UACA: variants seen among roughly 807,000 people sequenced by gnomAD.
The protein encoded by UACA is uveal autoantigen with coiled-coil domains and ankyrin repeats.
In UACA, 112 loss-of-function variants were observed where a neutral mutation model predicts 160.5. That is an observed-to-expected ratio of 0.70 (90% CI 0.60 to 0.82). The LOEUF (loss-of-function observed/expected upper bound fraction) is 0.82. Among genes scored for constraint, UACA ranks in the 40% least tolerant of loss-of-function variants. The pLI is 0.00. For synonymous variants in UACA, 557 were observed against 568.4 expected (o/e 0.98, Z 0.29); for missense variants, 1,574 against 1,614.6 (o/e 0.97, Z 0.43).
chr15:70,685,539 G>C (rs1276875911), intron 7 of UACA, among the ~76,000 whole-genome samples: 5 of 152,018 alleles, frequency 3.3e-5, no homozygotes, highest in African/African-American at 9.7e-5. Flanking sequence ...TTTAAAAAAT[G>C]CTACATATAA....
chr15:70,663,151 CA>C (rs1896777720), intron 17 of UACA, among the ~76,000 whole-genome samples: 1 of 152,130 alleles, frequency 6.6e-6, no homozygotes, highest in South Asian at 2.1e-4. Context: ...ACAATGAACT[CA>C]AACACATTTA....
At chr15:70,728,250 G>A (rs557181505) in intron 1 of UACA, among the ~76,000 whole-genome samples, 478 of 152,242 alleles carry the variant, frequency 3.1e-3, no homozygotes, top group Admixed American at 5.4e-3. Context: ...AGACTTAAAT[G>A]TAAGATCTAA....
chr15:70,717,852 A>C (rs1046999442), intron 1 of UACA, among the ~76,000 whole-genome samples: 2 of 152,110 alleles, frequency 1.3e-5, no homozygotes, highest in African/African-American at 4.8e-5. Flanking sequence ...TATAATGTAG[A>C]TAGGCCTCAA....
At chr15:70,760,221 T>C (rs2030664041) in intron 1 of UACA, among the ~76,000 whole-genome samples, 1 of 151,852 alleles carries the variant, frequency 6.6e-6, no homozygotes, top group Non-Finnish European at 1.5e-5. Context: ...TATCAAAGAC[T>C]TAAATGTAAA....
rs1260622295 is a variant in UACA at position 70,679,634 on chromosome 15, G to A, written c.865C>T (p.His289Tyr). The A allele has an allele frequency of 4.4e-6, 7 of 1,588,756 alleles. No homozygotes were observed. Among genetic ancestry groups the A allele is most frequent in the South Asian group, 3.4e-5 (3 of 87,896 alleles). ...TGAATATTTTGATGCTCCCTCTGAT[G>A]TGACTTCACATTTACTTCATCTTGC... ...HMQDEVNVKS[H>Y]QREHQNIQDL... Residue 289 changes from histidine (H) to tyrosine (Y), a missense_variant, in exon 10 of 19, where the codon CAT becomes TAT. Transcript: ENST00000322954.
chr15:70,666,569 C>T (rs1303434931), intron 16 of UACA, among the ~76,000 whole-genome samples, 155 bp downstream of exon 16: 1 of 151,702 alleles, frequency 6.6e-6, no homozygotes, highest in Non-Finnish European at 1.5e-5. Flanking sequence ...TGTTACTTCA[C>T]TTTTTTTTTC....
At chr15:70,767,115 C>G (rs990397670), upstream of UACA, among the ~76,000 whole-genome samples, 3 of 151,628 alleles carry the variant, frequency 2.0e-5, no homozygotes, top group South Asian at 2.1e-4. Context: ...TGGCAGGCAC[C>G]TGTAGTCCCA....
the UACA span, among the ~76,000 whole-genome samples, chr15:70,771,721 G>T: frequency 1.3e-5 from 2 of 152,238 alleles, no homozygotes; most frequent in South Asian, 4.1e-4. Flanking sequence ...GTTGAGGAAA[G>T]TCTTTCTGGA....
At chr15:70,713,612 C>T (rs1272537549) in intron 1 of UACA, among the ~76,000 whole-genome samples, 1 of 152,130 alleles carries the variant, frequency 6.6e-6, no homozygotes, top group African/African-American at 2.4e-5. Flanking sequence ...TTATCGTAAA[C>T]ATTTTTCAAA....
At chr15:70,700,318 T>TATATATATATATACACAC (rs565377949) in intron 1 of UACA, among the ~76,000 whole-genome samples, 3 of 139,822 alleles carry the variant, frequency 2.1e-5, no homozygotes, top group Admixed American at 7.0e-5. Context: ...TATATATATA[T>TATATATATATATACACAC]ACACACACAC....
chr15:70,747,867 G>A (rs1201280657), intron 1 of UACA, among the ~76,000 whole-genome samples: 1 of 151,810 alleles, frequency 6.6e-6, no homozygotes, highest in Non-Finnish European at 1.5e-5. Flanking sequence ...AAATAAAATA[G>A]AATAATTTAT....
At chr15:70,696,244 T>C (rs1300720291) in intron 2 of UACA, among the ~76,000 whole-genome samples, 1 of 152,220 alleles carries the variant, frequency 6.6e-6, no homozygotes, top group African/African-American at 2.4e-5. Flanking sequence ...GCCTTTATTA[T>C]TCTATAGAGG....
At chr15:70,694,985 T>C (rs748427670) in intron 3 of UACA, 32 bp downstream of exon 3, 4 of 1,526,244 alleles carry the variant, frequency 2.6e-6, no homozygotes, top group Non-Finnish European at 3.6e-6. Flanking sequence ...TTTCACTTTA[T>C]GTTTTATAAT....
chr15:70,669,843 G>A (rs756066391), intron 15 of UACA, among the ~76,000 whole-genome samples: 4 of 152,108 alleles, frequency 2.6e-5, no homozygotes, highest in East Asian at 3.8e-4. Flanking sequence ...TACATAATGT[G>A]CTTAGAACTT....
At chr15:70,776,380 C>T in the UACA span, among the ~76,000 whole-genome samples, 1 of 151,236 alleles carries the variant, frequency 6.6e-6, no homozygotes, top group Non-Finnish European at 1.5e-5. Context: ...TCCTGTTTTC[C>T]TCGGATATAT....
In UACA at chr15:70,743,353, G is replaced by A. The variant is rs763626363; in HGVS notation, c.78+19977C>T. Among the ~76,000 whole-genome samples the A allele has an allele frequency of 4.6e-5, 7 of 152,154 alleles. No individual in the cohort carries two copies. The East Asian group carries it at 7.7e-4, about 17-fold the overall frequency. On this transcript the variant is annotated intron_variant, in intron 1 of 18. Coordinates refer to ENST00000322954, the MANE Select transcript of UACA (RefSeq NM_018003.4). The stretch of plus-strand genomic sequence containing the variant: ...ACATCTGCAAAATGTCATTTGCTAC[G>A]TAACATAATATAATCATGGGCATAT...
intron 1 of UACA, among the ~76,000 whole-genome samples, chr15:70,735,115 T>A (rs1595915367): frequency 9.7e-5 from 1 of 10,362 alleles, no homozygotes; most frequent in Non-Finnish European, 1.9e-4. Context: ...ACCTGCACAA[T>A]GTGCACATGT....
rs538571534 is a variant in UACA, at chr15:70,754,134, A to C, written c.78+9196T>G. ...ATTTGGTTTTCTACAATGAACATGT[A>C]TGACTTTTGTGGGACAGTCATTTAT... On this transcript the variant is annotated intron_variant, in intron 1 of 18. Coordinates refer to ENST00000322954, the MANE Select transcript of UACA (RefSeq NM_018003.4). 3.6e-4 allele frequency: 165 copies of C among 455,988 alleles called. 2 individuals carry two copies. The highest frequency in any genetic ancestry group is 6.5e-4 in the Middle Eastern group (2 of 3,070). 28.2% of individuals were successfully genotyped at this position (455,988 alleles called of 1,614,324 possible).
intron 1 of UACA, among the ~76,000 whole-genome samples, chr15:70,727,911 G>T (rs1899195113): frequency 6.6e-6 from 1 of 152,096 alleles, no homozygotes; most frequent in Non-Finnish European, 1.5e-5. Flanking sequence ...AACCACCTAA[G>T]GCTCTTCACA....
Sources: allele counts gnomAD v4.1 joint callset (sites outside exome capture counted in the v4.1 genomes callset), GRCh38; gene constraint gnomAD v4.1.1; transcripts MANE v1.5; gene names NCBI Gene and HGNC (gene_info 2026-07-23, HGNC 2026-07-21).